Variants in PICK1 observed in about 807,000 individuals in gnomAD.
PICK1 encodes protein interacting with PRKCA 1.
Under a neutral mutation model 48.9 loss-of-function variants are expected in PICK1, and 23 were observed. That is an observed-to-expected ratio of 0.47 (90% CI 0.34 to 0.67). The LOEUF is 0.67. Ranked by LOEUF, PICK1 falls within the 30% of genes least tolerant of loss-of-function variation. The pLI, the probability that PICK1 is intolerant of heterozygous loss-of-function variation, is 0.01. For synonymous variants in PICK1, 217 were observed against 228.2 expected, an observed-to-expected ratio of 0.95 and a Z score of 0.44; for missense variants, 423 against 557.1, an observed-to-expected ratio of 0.76 and a Z score of 2.42.
intron 3 of PICK1, among the ~76,000 whole-genome samples, chr22:38,064,562 G>T (rs531290240): frequency 7.2e-5 from 11 of 152,086 alleles, no homozygotes; most frequent in African/African-American, 2.4e-4. Flanking sequence ...GGGAGTTTGA[G>T]ACCAGCCTGA....
intron 3 of PICK1, among the ~76,000 whole-genome samples, chr22:38,060,153 G>A (rs897536704): frequency 1.3e-5 from 2 of 152,224 alleles, no homozygotes; most frequent in Non-Finnish European, 2.9e-5. Context: ...AGAGGTTGCA[G>A]TGAGCTGAGA....
At chr22:38,071,172 C>T (rs1220350845) in intron 7 of PICK1, among the ~76,000 whole-genome samples, 5 of 152,054 alleles carry the variant, frequency 3.3e-5, no homozygotes, top group Non-Finnish European at 5.9e-5. Context: ...CATGGTGAAA[C>T]GCCATCTCTA....
rs902647482 is a variant in PICK1 at position 38,068,934 on chromosome 22, G to GC, written c.350-94dup. The GC allele has an allele frequency of 8.3e-6, 8 of 965,290 alleles. No homozygotes were observed. The African/African-American group carries it at 1.1e-4, about 14-fold the overall frequency. 59.8% of individuals were successfully genotyped at this position (965,290 alleles called of 1,614,324 possible). A position where few individuals can be genotyped will look rare whatever the true frequency, so the allele number is the denominator to read the frequency against. On this transcript the variant is annotated intron_variant, in intron 5 of 12. Transcript: ENST00000356976. ...CACAGCCACCCCCAGCAGCCCTTCT[G>GC]CCCCCTGTGGGGTGCTCCCTGTGCA...
At chr22:38,072,072 CCAGA>C in intron 8 of PICK1, 1 of 494,448 alleles carries the variant, frequency 2.0e-6, no homozygotes, top group Non-Finnish European at 3.7e-6. Flanking sequence ...AAAATGAAGC[CCAGA>C]CAAAGGAGAG....
At chr22:38,072,061 GA>G (rs2085710427) in intron 8 of PICK1, 1 of 500,262 alleles carries the variant, frequency 2.0e-6, no homozygotes, top group African/African-American at 1.9e-5. Flanking sequence ...AGCTACTGCA[GA>G]AAATGAAGCC....
At chr22:38,062,404 C>A (rs1026655917) in intron 3 of PICK1, among the ~76,000 whole-genome samples, 1 of 151,966 alleles carries the variant, frequency 6.6e-6, no homozygotes, top group Non-Finnish European at 1.5e-5. Flanking sequence ...CGTGCCACCA[C>A]GCCTGGCTAA....
rs2085731724 is a variant in PICK1, at chr22:38,072,715, C to T, written c.690+105C>T. ...CTGGAGTCCTGTGCCTGGGTACAGC[C>T]TCTGGCTCAGTCACCCACACAGTGG... On this transcript the variant is annotated intron_variant, in intron 9 of 12. Transcript: ENST00000356976. 3.3e-6 allele frequency: 5 copies of T among 1,494,448 alleles called. No homozygotes were observed. In the Admixed American group the frequency reaches 8.4e-5, roughly 25 times the overall value. The allele number at this position is 1,494,448 out of a possible 1,614,324, so 92.6% of individuals were successfully genotyped here.
At chr22:38,071,387 A>G (rs774954025) in intron 7 of PICK1, among the ~76,000 whole-genome samples, 3 of 152,206 alleles carry the variant, frequency 2.0e-5, no homozygotes, top group Non-Finnish European at 4.4e-5. Flanking sequence ...AGAGAATAGC[A>G]CTTGTAAACA....
In PICK1 at chr22:38,074,737, G is replaced by T; in HGVS notation, c.980-127G>T. Reference sequence around the variant, plus strand: ...TCCGCCCCTTGCCAGGTCATGAGGGGTCAGGGAAGTGCCCGAGTGGGAAGC... The same window carrying T: ...TCCGCCCCTTGCCAGGTCATGAGGGTTCAGGGAAGTGCCCGAGTGGGAAGC... On this transcript the variant is annotated intron_variant, in intron 12 of 12. Transcript: ENST00000356976. The surrounding 1 kb of genome is among the most constrained non-coding windows in gnomAD (Gnocchi z 4.5). The T allele has an allele frequency of 7.8e-7, 1 of 1,279,370 alleles. No homozygotes were observed. 79.3% of individuals were successfully genotyped at this position (1,279,370 alleles called of 1,614,324 possible).
At position 38,075,024 on chromosome 22, in the gene PICK1, T is replaced by TGGG; in HGVS notation, c.1142_1144dup (p.Gly381dup). 6.2e-7 allele frequency: 1 copy of TGGG among 1,612,944 alleles called. No individual in the cohort carries two copies. The highest frequency in any genetic ancestry group is 2.2e-5 in the East Asian group (1 of 44,840). On this transcript the variant is annotated inframe_insertion, in exon 13 of 13. Transcript: ENST00000356976. ...GCCTCAACCAGGAGGAGTTCACAGATGGGGAGGAGGAGGAGGAGGAGGAAG... is the reference window on the plus strand; with the variant it reads ...GCCTCAACCAGGAGGAGTTCACAGATGGGGGGGAGGAGGAGGAGGAGGAGGAAG...
In PICK1 at chr22:38,065,131, G is replaced by A. The variant is rs1442074127; in HGVS notation, c.282+1G>A. ...GGCGAAGATGATTCAGGAGGTGAAGGTAAGGGCTGCTGCAGAGCAGGTGTC... is the reference window on the plus strand; with the variant it reads ...GGCGAAGATGATTCAGGAGGTGAAGATAAGGGCTGCTGCAGAGCAGGTGTC... On this transcript the variant is annotated splice_donor_variant, in intron 4 of 12. Transcript: ENST00000356976. LOFTEE classifies it high-confidence loss of function. The A allele has an allele frequency of 6.2e-7, 1 of 1,613,546 alleles. No homozygotes were observed. The highest frequency in any genetic ancestry group is 8.5e-7 in the Non-Finnish European group (1 of 1,179,676).
rs961951463 is a variant in PICK1 at position 38,075,211 on chromosome 22, G to C, written c.*79G>C. The C allele has an allele frequency of 9.9e-6, 14 of 1,411,808 alleles. No homozygotes were observed. The highest frequency in any genetic ancestry group is 1.2e-5 in the Non-Finnish European group (13 of 1,048,748). 87.5% of individuals were successfully genotyped at this position (1,411,808 alleles called of 1,614,324 possible). ...GAGCGGGGCGGGGCCGCCGCGCAAG[G>C]GGGCGACGCATAAAGGCCTGCTGGC... On this transcript the variant is annotated 3_prime_UTR_variant, in exon 13 of 13. Transcript: ENST00000356976.
chr22:38,070,976 T>C, intron 7 of PICK1, 85 bp downstream of exon 7: 2 of 1,040,112 alleles, frequency 1.9e-6, no homozygotes, highest in Non-Finnish European at 3.0e-6. Context: ...GTGCTGGCAC[T>C]AGGAATGCCA....
intron 4 of PICK1, 96 bp from the exon 5 acceptor site, chr22:38,067,608 C>T: frequency 3.6e-6 from 4 of 1,124,656 alleles, no homozygotes. Flanking sequence ...CGCACCCGGC[C>T]TTGGGCTCAG....
Position 38,065,105 on chromosome 22 carries a change from T to C in PICK1, c.257T>C (p.Val86Ala). ...RSIKGKTKVE[V>A]AKMIQEVKGE... ...ATCAAAGGGAAAACTAAGGTGGAGG[T>C]GGCGAAGATGATTCAGGAGGTGAAG... Residue 86 changes from valine (V) to alanine (A), a missense_variant, in exon 4 of 13, where the codon GTG (valine) becomes GCG (alanine). Around this residue, in one of 2 missense-constraint regions of PICK1, gnomAD observed 279 missense variants for 417.8 expected, o/e 0.67. Coordinates refer to ENST00000356976, the MANE Select transcript of PICK1 (RefSeq NM_012407.4). 1.2e-6 allele frequency: 2 copies of C among 1,613,912 alleles called. No individual in the cohort carries two copies. The highest frequency in any genetic ancestry group is 1.7e-6 in the Non-Finnish European group (2 of 1,179,960).
intron 2 of PICK1, among the ~76,000 whole-genome samples, chr22:38,058,600 G>T (rs2085326690): frequency 1.3e-5 from 2 of 152,124 alleles, no homozygotes; most frequent in Admixed American, 6.6e-5. Context: ...GCCTGCTATG[G>T]ACTGGGTTGC....
At position 38,073,918 on chromosome 22, in the gene PICK1, G is replaced by T; in HGVS notation, c.834+95G>T. On this transcript the variant is annotated intron_variant, in intron 11 of 12. Coordinates refer to ENST00000356976, the MANE Select transcript of PICK1 (RefSeq NM_012407.4). The surrounding 1 kb of genome is among the most constrained non-coding windows in gnomAD (Gnocchi z 5.7). ...AGGCCAACCCGGGAGAGACCGGGGG[G>T]ACTTGGCTGGACTCTCGTTCCTGGA... 8.4e-7 allele frequency: 1 copy of T among 1,194,736 alleles called. No homozygotes were observed. Among genetic ancestry groups the T allele is most frequent in the Non-Finnish European group, 1.2e-6 (1 of 802,160 alleles). The allele number at this position is 1,194,736 out of a possible 1,614,324, so 74.0% of individuals were successfully genotyped here. A position where few individuals can be genotyped will look rare whatever the true frequency, so the allele number is the denominator to read the frequency against.
At position 38,075,409 on chromosome 22, in the gene PICK1, G is replaced by A; in HGVS notation, c.*277G>A. ...TGGTCTCTGGACCTGCCTTAGGAAG[G>A]AGAGGGAGGGCAGGAAGGAAAAGAA... On this transcript the variant is annotated 3_prime_UTR_variant, in exon 13 of 13. Coordinates refer to ENST00000356976, the MANE Select transcript of PICK1 (RefSeq NM_012407.4). 1 of 452,138 alleles carries A rather than the reference G, an allele frequency of 2.2e-6. No individual in the cohort carries two copies. The highest frequency in any genetic ancestry group is 4.0e-6 in the Non-Finnish European group (1 of 252,732). The allele number at this position is 452,138 out of a possible 1,614,324, so 28.0% of individuals were successfully genotyped here.
At chr22:38,072,438 C>A in intron 8 of PICK1, 39 bp from the exon 9 acceptor site, 1 of 1,604,390 alleles carries the variant, frequency 6.2e-7, no homozygotes. Context: ...TCTTAGGGGG[C>A]CAAGTAGGGG....
Sources: allele counts gnomAD v4.1 joint callset (sites outside exome capture counted in the v4.1 genomes callset), GRCh38; gene constraint gnomAD v4.1.1; regional missense constraint gnomAD v4.1.1; non-coding constraint Gnocchi (gnomAD v3.1); transcripts MANE v1.5; gene names NCBI Gene and HGNC (gene_info 2026-07-23, HGNC 2026-07-21).